The following SEPTIN5 variants were observed in gnomAD, a reference collection of about 807,000 sequenced individuals.
SEPTIN5 encodes the protein septin 5, also known as septin-5.
SEPTIN5 carries 16 observed loss-of-function variants against 51.2 expected under a neutral mutation model. That is an observed-to-expected ratio of 0.31 (90% CI 0.21 to 0.47). The LOEUF (loss-of-function observed/expected upper bound fraction) is 0.47, where lower values mean the gene tolerates loss of function less well. Among genes scored for constraint, SEPTIN5 ranks in the 20% least tolerant of loss-of-function variants. The pLI is 0.99. For synonymous variants in SEPTIN5, 208 were observed against 191.2 expected (o/e 1.09, Z -0.72); for missense variants, 376 against 500.3 (o/e 0.75, Z 2.37).
chr22:19,719,871 C>T lies in SEPTIN5; in HGVS notation c.217C>T (p.Arg73Trp), dbSNP rs758259301. ...SLFLTDLYKD[R>W]KLLSAEERIS... ...CTTCCTGACAGACTTGTACAAGGAC[C>T]GGAAGCTGCTCAGTGCTGAGGGTGA... The change falls in exon 4 of 12, where the codon CGG becomes TGG. Residue 73 changes from arginine to tryptophan, a missense_variant. Coordinates refer to ENST00000455784, the MANE Select transcript of SEPTIN5 (RefSeq NM_002688.6). 6.8e-6 allele frequency: 11 copies of T among 1,612,832 alleles called. No individual in the cohort carries two copies. Among genetic ancestry groups the T allele is most frequent in the Admixed American group, 3.3e-5 (2 of 60,006 alleles).
chr22:19,721,804 C>T lies in SEPTIN5; in HGVS notation c.815-18C>T, dbSNP rs35335171. The T allele has an allele frequency of 6.4e-7, 1 of 1,567,786 alleles. No homozygotes were observed. The highest frequency in any genetic ancestry group is 8.8e-7 in the Non-Finnish European group (1 of 1,141,418). ...GTCCTGGGCCGGCGCCAGCCCACTA[C>T]CCACCCCCACCCCGCAGTGGAGAAC... On this transcript the variant is annotated intron_variant, in intron 9 of 11. Transcript: ENST00000455784.
Position 19,722,532 on chromosome 22 carries a change from T to G in SEPTIN5, c.*48T>G. On this transcript the variant is annotated 3_prime_UTR_variant, in exon 12 of 12. Coordinates refer to ENST00000455784, the MANE Select transcript of SEPTIN5 (RefSeq NM_002688.6). ...CGTCTCCGGGACGCCCTCGCACCCCTGGACACCAGACCGGACTGTTCCCGA... is the reference window on the plus strand; with the variant it reads ...CGTCTCCGGGACGCCCTCGCACCCCGGGACACCAGACCGGACTGTTCCCGA... The G allele has an allele frequency of 6.4e-7, 1 of 1,551,578 alleles. No homozygotes were observed. The highest frequency in any genetic ancestry group is 1.2e-5 in the South Asian group (1 of 84,804).
intron 4 of SEPTIN5, 38 bp from the exon 5 acceptor site, chr22:19,720,077 G>C: frequency 6.2e-7 from 1 of 1,612,378 alleles, no homozygotes; most frequent in Non-Finnish European, 8.5e-7. Flanking sequence ...GAGGGGCTGA[G>C]GGTTGGAGAG....
Position 19,720,530 on chromosome 22 carries a change from C to T in SEPTIN5, c.498-19C>T. 1.2e-6 allele frequency: 2 copies of T among 1,613,318 alleles called. No homozygotes were observed. The highest frequency in any genetic ancestry group is 8.5e-7 in the Non-Finnish European group (1 of 1,180,014). The stretch of plus-strand genomic sequence containing the variant: ...GCCCCCTGGCTGTGCCTATGCCCAC[C>T]CTTGGCTGCTCTCGGCAGGCTGCGG... On this transcript the variant is annotated intron_variant, in intron 6 of 11. Transcript: ENST00000455784.
At position 19,722,409 on chromosome 22, in the gene SEPTIN5, G is replaced by C; in HGVS notation, c.1054-19G>C. On this transcript the variant is annotated intron_variant, in intron 11 of 11. Coordinates refer to ENST00000455784, the MANE Select transcript of SEPTIN5 (RefSeq NM_002688.6). The stretch of plus-strand genomic sequence containing the variant: ...TCCTCCGCGGTGCTGCTCACCCGCC[G>C]GGTTGTCTCCGCCCGCAGCTGAGGC... 6.3e-7 allele frequency: 1 copy of C among 1,597,210 alleles called. No homozygotes were observed. The highest frequency in any genetic ancestry group is 8.5e-7 in the Non-Finnish European group (1 of 1,172,256).
intron 2 of SEPTIN5, chr22:19,718,951 A>T: frequency 8.2e-6 from 7 of 849,976 alleles, no homozygotes; most frequent in Admixed American, 5.0e-5. Flanking sequence ...GCGGCCTCGC[A>T]GGTCCGCGGC....
chr22:19,722,766 C>A lies in SEPTIN5; in HGVS notation c.*282C>A. On this transcript the variant is annotated 3_prime_UTR_variant, in exon 12 of 12. Coordinates refer to ENST00000455784, the MANE Select transcript of SEPTIN5 (RefSeq NM_002688.6). ...TTCCCCCGCCCCCGGACGGTCACAGCACCCAAACCGCAGGCCCTGCTCTGG... is the reference window on the plus strand; with the variant it reads ...TTCCCCCGCCCCCGGACGGTCACAGAACCCAAACCGCAGGCCCTGCTCTGG... The A allele has an allele frequency of 3.7e-6, 2 of 540,910 alleles. No homozygotes were observed. The highest frequency in any genetic ancestry group is 2.1e-5 in the South Asian group (1 of 48,658). The allele number at this position is 540,910 out of a possible 1,614,324, so 33.5% of individuals were successfully genotyped here.
In SEPTIN5 at chr22:19,714,587, C is replaced by A. The variant is rs1289153559; in HGVS notation, c.-2C>A. The A allele has an allele frequency of 1.7e-5, 24 of 1,450,994 alleles. No individual in the cohort carries two copies. Among genetic ancestry groups the A allele is most frequent in the Non-Finnish European group, 2.2e-5 (24 of 1,105,842 alleles). 89.9% of individuals were successfully genotyped at this position (1,450,994 alleles called of 1,614,324 possible). A position where few individuals can be genotyped will look rare whatever the true frequency, so the allele number is the denominator to read the frequency against. Reference sequence around the variant, plus strand: ...CCCGCACGTCCCCCGCCGGCGGCCACCATGAGCACAGGCCTGCGGTACAAG... The same window carrying A: ...CCCGCACGTCCCCCGCCGGCGGCCAACATGAGCACAGGCCTGCGGTACAAG... On this transcript the variant is annotated 5_prime_UTR_variant, in exon 1 of 12. Coordinates refer to ENST00000455784, the MANE Select transcript of SEPTIN5 (RefSeq NM_002688.6). This position sits in a 1 kb window ranked among gnomAD's most constrained non-coding sequence, Gnocchi z 5.2.
chr22:19,719,422 C>T (rs1318226251), intron 2 of SEPTIN5, 180 bp from the exon 3 acceptor site: 6 of 584,230 alleles, frequency 1.0e-5, no homozygotes, highest in Non-Finnish European at 1.8e-5. Flanking sequence ...GCCACCACCT[C>T]GCCTGCCTTC....
rs758467664 is a variant in SEPTIN5 at position 19,720,748 on chromosome 22, T to C, written c.616-20T>C. On this transcript the variant is annotated intron_variant, in intron 7 of 11. Coordinates refer to ENST00000455784, the MANE Select transcript of SEPTIN5 (RefSeq NM_002688.6). The stretch of plus-strand genomic sequence containing the variant: ...GGGACTTGTCTGGCCTCAAATCTGA[T>C]GGTCCTTGCCCCACCACAGATCCGG... 1.2e-6 allele frequency: 2 copies of C among 1,612,606 alleles called. No individual in the cohort carries two copies. The highest frequency in any genetic ancestry group is 2.2e-5 in the South Asian group (2 of 91,080).
At position 19,720,833 on chromosome 22, in the gene SEPTIN5, G is replaced by A. The variant is rs1936015413; in HGVS notation, c.681G>A (p.Glu227=). 1.9e-6 allele frequency: 3 copies of A among 1,613,810 alleles called. No homozygotes were observed. The highest frequency in any genetic ancestry group is 2.5e-6 in the Non-Finnish European group (3 of 1,180,012). ...AGTTCCCTGAGTGTGACTCGGACGAGGATGAGGACTTCAAGCAGCAGGACC... is the reference window on the plus strand; with the variant it reads ...AGTTCCCTGAGTGTGACTCGGACGAAGATGAGGACTTCAAGCAGCAGGACC... ...VYQFPECDSD[E]DEDFKQQDRE... The change falls in exon 8 of 12, where the codon GAG becomes GAA. Residue 227 remains glutamate (E), a synonymous_variant. Coordinates refer to ENST00000455784, the MANE Select transcript of SEPTIN5 (RefSeq NM_002688.6).
chr22:19,722,049 T>G lies in SEPTIN5; in HGVS notation c.950+92T>G, dbSNP rs1936050151. On this transcript the variant is annotated intron_variant, in intron 10 of 11. Coordinates refer to ENST00000455784, the MANE Select transcript of SEPTIN5 (RefSeq NM_002688.6). ...CCGGTCCTGTCAGCCCACCCAGACT[T>G]GAACTTTGCACCATTCCCTAAGCCC... 1.6e-5 allele frequency: 24 copies of G among 1,492,924 alleles called. No individual in the cohort carries two copies. The South Asian group carries it at 2.5e-4, about 16-fold the overall frequency. The allele number at this position is 1,492,924 out of a possible 1,614,324, so 92.5% of individuals were successfully genotyped here. A position where few individuals can be genotyped will look rare whatever the true frequency, so the allele number is the denominator to read the frequency against.
At chr22:19,718,298 G>T in intron 2 of SEPTIN5, 1 of 692,776 alleles carries the variant, frequency 1.4e-6, no homozygotes, top group Non-Finnish European at 1.8e-6. Context: ...GCGAGCCATG[G>T]CCCGACCGCG....
intron 2 of SEPTIN5, chr22:19,718,341 T>C: frequency 1.0e-6 from 1 of 956,688 alleles, no homozygotes; most frequent in Non-Finnish European, 1.2e-6. Context: ...GCAGCCGCTT[T>C]CGGGTGGCTC....
chr22:19,719,673 C>T lies in SEPTIN5; in HGVS notation c.126C>T (p.Gly42=). 19 of 1,613,018 alleles carry T rather than the reference C, an allele frequency of 1.2e-5. No individual in the cohort carries two copies. Among genetic ancestry groups the T allele is most frequent in the Non-Finnish European group, 1.6e-5 (19 of 1,179,952 alleles). The change falls in exon 3 of 12, where the codon GGC becomes GGT. Residue 42 remains glycine, a synonymous_variant. Transcript: ENST00000455784. ...TGCACCGCAAGTCGGTGAAGAAAGG[C>T]TTTGACTTCACACTCATGGTGGCTG... is the stretch of plus-strand genomic sequence containing the variant. ...NQVHRKSVKK[G]FDFTLMVAGE...
chr22:19,714,719 G>A lies in SEPTIN5; in HGVS notation c.44-62G>A, dbSNP rs1207763525. 4.5e-6 allele frequency: 6 copies of A among 1,333,550 alleles called. No individual in the cohort carries two copies. The highest frequency in any genetic ancestry group is 2.3e-4 in the Middle Eastern group (1 of 4,356). 82.6% of individuals were successfully genotyped at this position (1,333,550 alleles called of 1,614,324 possible). ...CACCGTGTCTCTCCGTCTCTCCCCC[G>A]CCCGCCGGCCCGGACCCGCTCGGAA... is the stretch of plus-strand genomic sequence containing the variant. On this transcript the variant is annotated intron_variant, in intron 1 of 11. Transcript: ENST00000455784. The surrounding 1 kb of genome is among the most constrained non-coding windows in gnomAD (Gnocchi z 5.2).
chr22:19,717,211 G>C, intron 2 of SEPTIN5: 1 of 439,586 alleles, frequency 2.3e-6, no homozygotes, highest in South Asian at 1.6e-5. Context: ...GGGGCCTCCA[G>C]CTTCTAATGT....
chr22:19,722,274 C>T lies in SEPTIN5; in HGVS notation c.988C>T (p.Pro330Ser). The T allele has an allele frequency of 6.2e-7, 1 of 1,610,948 alleles. No individual in the cohort carries two copies. The highest frequency in any genetic ancestry group is 1.1e-5 in the South Asian group (1 of 90,916). Residue 330 changes from proline (P) to serine (S), a missense_variant, in exon 11 of 12, where the codon CCG becomes TCG. Physicochemically the swap from Pro to Ser is moderately conservative, Grantham distance 74 (BLOSUM62 -1). Coordinates refer to ENST00000455784, the MANE Select transcript of SEPTIN5 (RefSeq NM_002688.6). Reference sequence around the variant, plus strand: ...GGACAGCCGCATGGAGAGCCCCATCCCGATCCTGCCGCTGCCCACCCCGGA... The same window carrying T: ...GGACAGCCGCATGGAGAGCCCCATCTCGATCCTGCCGCTGCCCACCCCGGA... ...TQDSRMESPI[P>S]ILPLPTPDAE...
intron 2 of SEPTIN5, among the ~76,000 whole-genome samples, chr22:19,719,244 T>C (rs1935974304): frequency 6.6e-6 from 1 of 152,114 alleles, no homozygotes; most frequent in Non-Finnish European, 1.5e-5. Context: ...TTCTCCGGCT[T>C]ATGGAGGGCC....
Sources: allele counts gnomAD v4.1 joint callset (sites outside exome capture counted in the v4.1 genomes callset), GRCh38; gene constraint gnomAD v4.1.1; non-coding constraint Gnocchi (gnomAD v3.1); transcripts MANE v1.5; gene names NCBI Gene and HGNC (gene_info 2026-07-23, HGNC 2026-07-21).